Variants in MBD5 observed in about 807,000 individuals in gnomAD.
MBD5 encodes methyl-CpG-binding domain protein 5.
Under a neutral mutation model 117.3 loss-of-function variants are expected in MBD5, and 13 were observed. That is an observed-to-expected ratio of 0.11 (90% confidence interval 0.07 to 0.18). The LOEUF (loss-of-function observed/expected upper bound fraction) is 0.18. MBD5 is among the 10% of genes least tolerant of loss of function. The pLI is 1.00. For synonymous variants in MBD5, 727 were observed against 766.4 expected (o/e 0.95, Z 0.85); for missense variants, 1,879 against 2,093.8 (o/e 0.90, Z 2.00).
intron 4 of MBD5, among the ~76,000 whole-genome samples, chr2:148,371,566 A>C (rs1270238120): frequency 1.3e-5 from 2 of 152,172 alleles, no homozygotes; most frequent in Non-Finnish European, 2.9e-5. Flanking sequence ...AGAACTTCCA[A>C]GATTTTCTAG....
chr2:148,332,499 C>G (rs1702684793), intron 3 of MBD5, among the ~76,000 whole-genome samples: 1 of 152,126 alleles, frequency 6.6e-6, no homozygotes, highest in Non-Finnish European at 1.5e-5. Flanking sequence ...TCTTTTCCTT[C>G]TTGAGTTGGT....
At chr2:148,232,856 G>A (rs1490172025) in intron 2 of MBD5, among the ~76,000 whole-genome samples, 1 of 152,056 alleles carries the variant, frequency 6.6e-6, no homozygotes, top group East Asian at 1.9e-4. Flanking sequence ...TAAGAAATCA[G>A]CTTGGTCATT....
chr2:148,457,945 G>A (rs1020768784), intron 4 of MBD5, among the ~76,000 whole-genome samples: 1 of 152,128 alleles, frequency 6.6e-6, no homozygotes, highest in Non-Finnish European at 1.5e-5. Flanking sequence ...GAGTGTATGT[G>A]TATATGTAAT....
At chr2:148,509,361 CGT>C (rs1682141317) in intron 12 of MBD5, among the ~76,000 whole-genome samples, 1 of 151,896 alleles carries the variant, frequency 6.6e-6, no homozygotes, top group Non-Finnish European at 1.5e-5. Context: ...GCAGATGCAC[CGT>C]GTGTGTTATT....
chr2:148,326,408 G>C (rs908113550), intron 3 of MBD5, among the ~76,000 whole-genome samples: 1 of 152,056 alleles, frequency 6.6e-6, no homozygotes, highest in South Asian at 2.1e-4. Context: ...TTTCTGTCTC[G>C]TTGATCTGTC....
At chr2:148,201,475 C>T (rs562525648) in intron 2 of MBD5, among the ~76,000 whole-genome samples, 96 of 152,304 alleles carry the variant, frequency 6.3e-4, no homozygotes, top group Non-Finnish European at 1.2e-3. Context: ...GCCTTAACAA[C>T]TCTGTCAGCC....
chr2:148,483,606 G>C lies in MBD5; in HGVS notation c.3015G>C (p.Leu1005=). 6.4e-7 allele frequency: 1 copy of C among 1,553,940 alleles called. No homozygotes were observed. The highest frequency in any genetic ancestry group is 2.4e-5 in the East Asian group (1 of 40,988). The change falls in exon 9 of 14, where the codon CTG becomes CTC. Residue 1005 remains leucine, a synonymous_variant. Transcript: ENST00000642680. ...CCCAAGCAGCTGCCATGCTTCCCCT[G>C]CCATCTTTCAATCTGACCATCTCAG... ...NQAQAAAMLP[L]PSFNLTISDL... is the part of the protein sequence containing the mutation.
At chr2:148,448,971 A>G (rs1366005642) in intron 4 of MBD5, among the ~76,000 whole-genome samples, 1 of 152,096 alleles carries the variant, frequency 6.6e-6, no homozygotes, top group East Asian at 1.9e-4. Flanking sequence ...ATATTACAGA[A>G]AAGCAAAAAA....
At chr2:148,429,239 G>GA (rs529259314) in intron 4 of MBD5, among the ~76,000 whole-genome samples, 8 of 151,864 alleles carry the variant, frequency 5.3e-5, no homozygotes, top group South Asian at 2.1e-4. Flanking sequence ...ACAAACATAT[G>GA]AAAAAAAAGC....
chr2:148,476,317 A>C (rs977630146), intron 8 of MBD5, among the ~76,000 whole-genome samples: 1 of 152,230 alleles, frequency 6.6e-6, no homozygotes, highest in African/African-American at 2.4e-5. Flanking sequence ...TTCTTCCCAC[A>C]ATAGGAAATT....
At position 148,313,409 on chromosome 2, in the gene MBD5, G is replaced by C. The variant is rs548498790; in HGVS notation, c.-679-28805G>C. Among the ~76,000 whole-genome samples, 7 of 152,288 alleles carry C rather than the reference G, an allele frequency of 4.6e-5. No individual in the cohort carries two copies. In the South Asian group the frequency reaches 1.4e-3, roughly 32 times the overall value. On this transcript the variant is annotated intron_variant, in intron 3 of 13. Transcript: ENST00000642680. ...ACAGCGGCTTTGCCAAGCTGTGGTGGGCTTCGCCCAGTTCAAACTTCCAGG... is the reference window on the plus strand; with the variant it reads ...ACAGCGGCTTTGCCAAGCTGTGGTGCGCTTCGCCCAGTTCAAACTTCCAGG...
intron 2 of MBD5, among the ~76,000 whole-genome samples, chr2:148,226,891 T>G (rs919628153): frequency 6.5e-4 from 99 of 152,354 alleles, no homozygotes; most frequent in East Asian, 2.9e-3. Flanking sequence ...TCATGTGTGT[T>G]TTGGCTGCAT....
At chr2:148,351,382 C>T (rs1285224676) in intron 4 of MBD5, among the ~76,000 whole-genome samples, 2 of 151,970 alleles carry the variant, frequency 1.3e-5, no homozygotes, top group Non-Finnish European at 2.9e-5. Flanking sequence ...TTGTGACCGG[C>T]TTGATTTACT....
intron 5 of MBD5, among the ~76,000 whole-genome samples, chr2:148,460,984 A>G (rs540190327): frequency 2.2e-4 from 33 of 152,178 alleles, no homozygotes; most frequent in African/African-American, 7.7e-4. Flanking sequence ...CCCAGGCTGG[A>G]GTGTAGTGGC....
intron 2 of MBD5, among the ~76,000 whole-genome samples, chr2:148,224,729 TG>T (rs1385642559): frequency 6.6e-6 from 1 of 151,934 alleles, no homozygotes; most frequent in Admixed American, 6.6e-5. Flanking sequence ...TTTATAAATC[TG>T]GGTGTGTCAG....
intron 4 of MBD5, among the ~76,000 whole-genome samples, chr2:148,363,386 C>G (rs887071638): frequency 5.3e-5 from 8 of 152,136 alleles, no homozygotes; most frequent in African/African-American, 1.2e-4. Flanking sequence ...GCGCCCGCCA[C>G]CACGCCCGGC....
intron 1 of MBD5, among the ~76,000 whole-genome samples, chr2:148,049,837 C>T (rs1270249668): frequency 2.0e-5 from 3 of 152,116 alleles, no homozygotes; most frequent in African/African-American, 7.2e-5. Context: ...TTGTGTCTGG[C>T]TTCTTTCACT....
intron 3 of MBD5, among the ~76,000 whole-genome samples, chr2:148,292,914 C>A (rs532920171): frequency 6.6e-6 from 1 of 151,628 alleles, no homozygotes; most frequent in East Asian, 1.9e-4. Flanking sequence ...GGGATCCAAT[C>A]ATTTGCAACA....
chr2:148,021,383 CCCT>C lies in MBD5; in HGVS notation c.-1218_-1216del. 4.1e-6 allele frequency: 2 copies of C among 486,422 alleles called. No homozygotes were observed. The highest frequency in any genetic ancestry group is 1.6e-5 in the South Asian group (1 of 61,124). 30.1% of individuals were successfully genotyped at this position (486,422 alleles called of 1,614,324 possible). On this transcript the variant is annotated 5_prime_UTR_variant, in exon 1 of 14. Transcript: ENST00000642680. Reference sequence around the variant, plus strand: ...CCTCCAACTCGCCTCCCTCCCTCCACCCTCCTCCTCTTTGGCCGTGAGAGGAGG... The same window carrying C: ...CCTCCAACTCGCCTCCCTCCCTCCACCCTCCTCTTTGGCCGTGAGAGGAGG...
Sources: gnomAD v4.1 joint callset for allele counts (sites outside exome capture counted in the v4.1 genomes callset) on GRCh38, gnomAD v4.1.1 for gene constraint, MANE v1.5 for transcripts, NCBI Gene and HGNC (gene_info 2026-07-23, HGNC 2026-07-21) for gene names.